Variants in TRIO observed in about 807,000 individuals in gnomAD.
The protein encoded by TRIO is triple functional domain protein.
A neutral mutation model predicts 351.9 loss-of-function variants in TRIO; 58 were observed. The observed-to-expected ratio is 0.16, with a 90% confidence interval of 0.13 to 0.21. The LOEUF is 0.21. Among genes scored for constraint, TRIO ranks in the 10% least tolerant of loss-of-function variants. The pLI, the probability that TRIO is intolerant of heterozygous loss-of-function variation, is 1.00. For synonymous variants in TRIO, 1,758 were observed against 1,595.7 expected (o/e 1.10, Z -2.42); for missense variants, 3,201 against 4,027.8 (o/e 0.79, Z 5.56).
At chr5:14,215,351 G>GT in intron 1 of TRIO, among the ~76,000 whole-genome samples, 1 of 152,292 alleles carries the variant, frequency 6.6e-6, no homozygotes, top group South Asian at 2.1e-4. Flanking sequence ...AATGCACACT[G>GT]TTAGTGTTTA....
At chr5:14,161,359 C>G (rs1242105729) in intron 1 of TRIO, among the ~76,000 whole-genome samples, 5 of 152,168 alleles carry the variant, frequency 3.3e-5, no homozygotes, top group African/African-American at 1.2e-4. Flanking sequence ...TCCTGGTTTC[C>G]CTTCCTAACT....
intron 34 of TRIO, among the ~76,000 whole-genome samples, chr5:14,435,034 G>A (rs554939667): frequency 6.8e-4 from 104 of 152,340 alleles, no homozygotes; most frequent in South Asian, 2.3e-3. Flanking sequence ...GGGGTACAGG[G>A]TATCCTGAGA....
At chr5:14,381,087 G>C in intron 20 of TRIO, 43 bp from the exon 21 acceptor site, 1 of 1,585,286 alleles carries the variant, frequency 6.3e-7, no homozygotes, top group Admixed American at 1.8e-5. Context: ...CTCCTCTCAG[G>C]AATGTGTAGC....
At chr5:14,474,543 T>C (rs1754909289) in intron 40 of TRIO, among the ~76,000 whole-genome samples, 1 of 152,252 alleles carries the variant, frequency 6.6e-6, no homozygotes, top group South Asian at 2.1e-4. Context: ...ACAGAGTACT[T>C]AGAACAACAT....
intron 27 of TRIO, among the ~76,000 whole-genome samples, chr5:14,393,382 TAAAAAG>T (rs913053314): frequency 1.3e-5 from 2 of 152,154 alleles, no homozygotes; most frequent in African/African-American, 4.8e-5. Context: ...TCCCAGAACT[TAAAAAG>T]AAACCCTTAT....
Position 14,265,771 on chromosome 5 carries a change from A to G in TRIO, c.158-5054A>G, listed in dbSNP as rs189316168. On this transcript the variant is annotated intron_variant, in intron 1 of 56. Coordinates refer to ENST00000344204, the MANE Select transcript of TRIO (RefSeq NM_007118.4). ...TGATTTGGTCAGTGGGGTATTAGATAGTTGAAGTTCCAGACTGTTGATTCA... is the reference window on the plus strand; with the variant it reads ...TGATTTGGTCAGTGGGGTATTAGATGGTTGAAGTTCCAGACTGTTGATTCA... Among the ~76,000 whole-genome samples the G allele has an allele frequency of 3.3e-5, 5 of 152,344 alleles. No homozygotes were observed. The East Asian group carries it at 9.6e-4, about 29-fold the overall frequency.
intron 52 of TRIO, 106 bp from the exon 53 acceptor site, chr5:14,498,413 C>G: frequency 6.6e-7 from 1 of 1,521,600 alleles, no homozygotes; most frequent in Non-Finnish European, 8.9e-7. Flanking sequence ...AGCTCCTCAT[C>G]AGCACTTGAG....
chr5:14,471,025 A>G (rs987336508), intron 37 of TRIO, among the ~76,000 whole-genome samples: 2 of 152,252 alleles, frequency 1.3e-5, no homozygotes, highest in Admixed American at 6.5e-5. Flanking sequence ...GTACTCTGAC[A>G]TAAGCAAGTA....
intron 5 of TRIO, among the ~76,000 whole-genome samples, chr5:14,292,434 C>G (rs1736991488): frequency 6.6e-6 from 1 of 152,166 alleles, no homozygotes; most frequent in South Asian, 2.1e-4. Flanking sequence ...ACATCCTTGT[C>G]CAAGTAACAT....
At chr5:14,381,066 G>A in intron 20 of TRIO, 64 bp from the exon 21 acceptor site, 3 of 1,546,320 alleles carry the variant, frequency 1.9e-6, no homozygotes, top group Non-Finnish European at 1.7e-6. Context: ...TGAGGTGCTC[G>A]GGGCTTTGGG....
chr5:14,508,113 CAGTGTGGAAGAG>C lies in TRIO; in HGVS notation c.8987_8998del (p.Ser2996_Glu2999del). On this transcript the variant is annotated inframe_deletion, in exon 57 of 57. Coordinates refer to ENST00000344204, the MANE Select transcript of TRIO (RefSeq NM_007118.4). ...GTGGCGTGTCCCCCTTCCTGGATGA[CAGTGTGGAAGAG>C]ACCTGCCTGAACATTTGCCGCTTAG... 1 of 1,614,184 alleles carries C rather than the reference CAGTGTGGAAGAG, an allele frequency of 6.2e-7. No individual in the cohort carries two copies. The highest frequency in any genetic ancestry group is 8.5e-7 in the Non-Finnish European group (1 of 1,180,030).
At chr5:14,415,662 C>T (rs1749582758) in intron 33 of TRIO, among the ~76,000 whole-genome samples, 1 of 152,162 alleles carries the variant, frequency 6.6e-6, no homozygotes, top group Non-Finnish European at 1.5e-5. Flanking sequence ...ATGAGTATTT[C>T]ATTCTCTCGG....
At chr5:14,217,229 T>C (rs1792281259) in intron 1 of TRIO, among the ~76,000 whole-genome samples, 1 of 152,186 alleles carries the variant, frequency 6.6e-6, no homozygotes, top group South Asian at 2.1e-4. Context: ...TGAGAGCCAC[T>C]GTACAGAATG....
At chr5:14,198,404 C>T (rs897917069) in intron 1 of TRIO, among the ~76,000 whole-genome samples, 4 of 152,186 alleles carry the variant, frequency 2.6e-5, no homozygotes, top group Non-Finnish European at 5.9e-5. Context: ...AGTATACAAT[C>T]AGAGTTTTAG....
intron 18 of TRIO, among the ~76,000 whole-genome samples, chr5:14,371,001 TGCATTGA>T (rs1204454181): frequency 6.6e-6 from 1 of 152,240 alleles, no homozygotes; most frequent in Admixed American, 6.5e-5. Context: ...CAGTGCGCTG[TGCATTGA>T]GTAGAACCTG....
intron 1 of TRIO, among the ~76,000 whole-genome samples, chr5:14,153,992 C>T (rs775572015): frequency 1.4e-4 from 22 of 152,164 alleles, no homozygotes; most frequent in Non-Finnish European, 2.6e-4. Flanking sequence ...GTTTCTGTGC[C>T]TTTCCTCTTC....
chr5:14,399,148 A>T, intron 30 of TRIO, 78 bp downstream of exon 30: 1 of 1,371,850 alleles, frequency 7.3e-7, no homozygotes, highest in Non-Finnish European at 1.0e-6. Flanking sequence ...AGAATTGTTC[A>T]TTGTCTTCAG....
intron 1 of TRIO, among the ~76,000 whole-genome samples, chr5:14,228,663 A>G (rs925685034): frequency 6.6e-6 from 1 of 152,196 alleles, no homozygotes; most frequent in Non-Finnish European, 1.5e-5. Flanking sequence ...TTGGAATGAA[A>G]TTGATATCTG....
At position 14,498,546 on chromosome 5, in the gene TRIO, T is replaced by C. The variant is rs757359336; in HGVS notation, c.8238T>C (p.Ile2746=). 16 of 1,614,176 alleles carry C rather than the reference T, an allele frequency of 9.9e-6. No homozygotes were observed. The highest frequency in any genetic ancestry group is 1.3e-5 in the Non-Finnish European group (15 of 1,180,004). Residue 2746 remains isoleucine (I), a synonymous_variant, in exon 53 of 57, where the codon ATT becomes ATC. Transcript: ENST00000344204. ...YSDLGEATLK[I]VGVTTEDDGI... is the part of the protein sequence containing the mutation. ...ACCTGGGAGAGGCCACGCTGAAGATTGTGGGCGTGACCACGGAAGATGACG... is the reference window on the plus strand; with the variant it reads ...ACCTGGGAGAGGCCACGCTGAAGATCGTGGGCGTGACCACGGAAGATGACG...
Sources: gnomAD v4.1 joint callset for allele counts (sites outside exome capture counted in the v4.1 genomes callset) on GRCh38, gnomAD v4.1.1 for gene constraint, MANE v1.5 for transcripts, NCBI Gene and HGNC (gene_info 2026-07-23, HGNC 2026-07-21) for gene names.